Variants in DLC1 observed in about 807,000 individuals in gnomAD.
DLC1 encodes the protein DLC1 Rho GTPase activating protein, also known as rho GTPase-activating protein 7.
Under a neutral mutation model 140.3 loss-of-function variants are expected in DLC1, and 54 were observed. That is an observed-to-expected ratio of 0.38 (90% CI 0.31 to 0.48). The LOEUF (loss-of-function observed/expected upper bound fraction) is 0.48. DLC1 is among the 20% of genes least tolerant of loss of function. The probability of loss-of-function intolerance (pLI) is 0.96; values close to 1 mark genes in which losing one functional copy is unlikely to be tolerated. For synonymous variants in DLC1, 986 were observed against 728.1 expected (o/e 1.35, Z -5.70); for missense variants, 2,536 against 1,907.0 (o/e 1.33, Z -6.14).
chr8:13,466,117 C>T (rs1799923875), intron 2 of DLC1, among the ~76,000 whole-genome samples: 1 of 152,174 alleles, frequency 6.6e-6, no homozygotes, highest in Non-Finnish European at 1.5e-5. Flanking sequence ...CACAATGTGA[C>T]TCCACAGAGC....
chr8:13,510,821 GTGT>G (rs1802324864), intron 1 of DLC1, among the ~76,000 whole-genome samples: 1 of 152,114 alleles, frequency 6.6e-6, no homozygotes, highest in African/African-American at 2.4e-5. Flanking sequence ...TCTAATGAGA[GTGT>G]TGTTAACCTC....
intron 5 of DLC1, among the ~76,000 whole-genome samples, chr8:13,302,279 C>T (rs1832232164): frequency 6.6e-6 from 1 of 152,182 alleles, no homozygotes; most frequent in Non-Finnish European, 1.5e-5. Context: ...TCCTATGGGG[C>T]AGAGGCCATG....
chr8:13,091,558 T>A (rs998463032), intron 13 of DLC1, 126 bp from the exon 14 acceptor site: 56 of 750,508 alleles, frequency 7.5e-5, no homozygotes, highest in Non-Finnish European at 1.1e-4. Flanking sequence ...TATTGTTAAG[T>A]GGATTAAGAG....
intron 4 of DLC1, among the ~76,000 whole-genome samples, chr8:13,376,790 C>T (rs1012909106): frequency 2.1e-4 from 32 of 152,176 alleles, no homozygotes; most frequent in African/African-American, 6.8e-4. Flanking sequence ...CAAGATCAGA[C>T]GGCTCTTTTG....
At position 13,092,531 on chromosome 8, in the gene DLC1, C is replaced by A. The variant is rs148049202; in HGVS notation, c.3740+81G>T. 3.0e-4 allele frequency: 447 copies of A among 1,481,708 alleles called. 1 individual carries two copies. The African/African-American group carries it at 5.2e-3, about 17-fold the overall frequency. The allele number at this position is 1,481,708 out of a possible 1,614,324, so 91.8% of individuals were successfully genotyped here. A position where few individuals can be genotyped will look rare whatever the true frequency, so the allele number is the denominator to read the frequency against. ...TTCTTGCTTGTTTCAGGAAAGAGTCCCACAAAACCACAGCTACGGAGAGTC... is the reference window on the plus strand; with the variant it reads ...TTCTTGCTTGTTTCAGGAAAGAGTCACACAAAACCACAGCTACGGAGAGTC... On this transcript the variant is annotated intron_variant, in intron 13 of 17. Coordinates refer to ENST00000276297, the MANE Select transcript of DLC1 (RefSeq NM_182643.3).
At chr8:13,093,463 A>T (rs928151976) in intron 12 of DLC1, among the ~76,000 whole-genome samples, 4 of 152,244 alleles carry the variant, frequency 2.6e-5, no homozygotes, top group African/African-American at 7.2e-5. Flanking sequence ...CATGCTCGAG[A>T]GGCTATAAAA....
intron 5 of DLC1, among the ~76,000 whole-genome samples, chr8:13,199,302 GC>G (rs1345004893): frequency 6.7e-6 from 1 of 148,466 alleles, no homozygotes; most frequent in Admixed American, 6.8e-5. Flanking sequence ...CTCCTGCTTA[GC>G]CTCTCAAATA....
At chr8:13,389,847 C>A (rs563917742) in intron 4 of DLC1, among the ~76,000 whole-genome samples, 2 of 152,152 alleles carry the variant, frequency 1.3e-5, no homozygotes, top group East Asian at 3.9e-4. Flanking sequence ...TGAAGGTAGT[C>A]GTGCTGTAAT....
At position 13,499,790 on chromosome 8, in the gene DLC1, T is replaced by C. The variant is rs767597201; in HGVS notation, c.282A>G (p.Glu94=). The change falls in exon 2 of 18, where the codon GAA becomes GAG. Residue 94 remains glutamate, a synonymous_variant. Coordinates refer to ENST00000276297, the MANE Select transcript of DLC1 (RefSeq NM_182643.3). ...DVDENDSHEG[E]DQFLSLEAST... The stretch of plus-strand genomic sequence containing the variant: ...TGGCTTCCAGAGAAAGAAACTGATC[T>C]TCACCTTCATGGCTGTCATTTTCGT... The C allele has an allele frequency of 6.2e-7, 1 of 1,614,074 alleles. No individual in the cohort carries two copies. The highest frequency in any genetic ancestry group is 1.7e-5 in the Admixed American group (1 of 60,026).
intron 5 of DLC1, among the ~76,000 whole-genome samples, chr8:13,164,348 G>C (rs1157298137): frequency 1.3e-5 from 2 of 150,402 alleles, no homozygotes; most frequent in Non-Finnish European, 3.0e-5. Flanking sequence ...CTGTCTGTCT[G>C]TCTCTCTCTC....
At chr8:13,334,002 C>A (rs867813961) in intron 4 of DLC1, among the ~76,000 whole-genome samples, 15 of 152,080 alleles carry the variant, frequency 9.9e-5, no homozygotes, top group Admixed American at 7.2e-4. Flanking sequence ...GATTGCCTAA[C>A]GACATGGAAA....
chr8:13,127,731 G>T (rs1052855133), intron 5 of DLC1, among the ~76,000 whole-genome samples: 6 of 152,360 alleles, frequency 3.9e-5, no homozygotes, highest in Admixed American at 2.0e-4. Flanking sequence ...CCAGGGTGTG[G>T]AAAACTTTTG....
intron 5 of DLC1, among the ~76,000 whole-genome samples, chr8:13,300,970 G>C (rs1214695552): frequency 6.6e-6 from 1 of 152,174 alleles, no homozygotes; most frequent in African/African-American, 2.4e-5. Flanking sequence ...CCAGAGGAAT[G>C]GACAAGGGTG....
chr8:13,548,925 C>G (rs532228456), intron 1 of DLC1, among the ~76,000 whole-genome samples: 34 of 152,144 alleles, frequency 2.2e-4, no homozygotes, highest in African/African-American at 7.2e-4. Context: ...AGTGGAAGAT[C>G]AATTATAATC....
chr8:13,099,847 C>A lies in DLC1; in HGVS notation c.2490G>T (p.Ser830=), dbSNP rs376759642. 6.2e-7 allele frequency: 1 copy of A among 1,614,160 alleles called. No homozygotes were observed. The highest frequency in any genetic ancestry group is 8.5e-7 in the Non-Finnish European group (1 of 1,180,046). ...TCCAGTTCACAGAGCCGTTATTCCC[C>A]GAGGGGGAGAAACTGCCATTGGTGA... ...KALTNGSFSP[S]GNNGSVNWRT... Residue 830 remains serine (S), a synonymous_variant, in exon 9 of 18, where the codon TCG becomes TCT. Transcript: ENST00000276297.
chr8:13,396,070 T>G (rs1837029161), intron 3 of DLC1, among the ~76,000 whole-genome samples: 1 of 149,090 alleles, frequency 6.7e-6, no homozygotes, highest in South Asian at 2.1e-4. Context: ...TTCTTTTTTT[T>G]TTTTTTTGAG....
intron 2 of DLC1, among the ~76,000 whole-genome samples, chr8:13,444,304 G>T (rs983593823): frequency 6.6e-6 from 1 of 152,164 alleles, no homozygotes; most frequent in African/African-American, 2.4e-5. Context: ...CTGACCGGTG[G>T]TGCGGGTTGG....
chr8:13,384,671 A>G (rs1372527599), intron 4 of DLC1, among the ~76,000 whole-genome samples: 2 of 152,204 alleles, frequency 1.3e-5, no homozygotes, highest in Non-Finnish European at 2.9e-5. Flanking sequence ...AATTTGTTCT[A>G]CATTAAGACC....
chr8:13,471,835 C>A (rs1422837618), intron 2 of DLC1, among the ~76,000 whole-genome samples: 5 of 152,176 alleles, frequency 3.3e-5, no homozygotes, highest in East Asian at 1.9e-4. Flanking sequence ...CTTCCACCCC[C>A]ACGCTGAAGC....
Sources: allele counts gnomAD v4.1 joint callset (sites outside exome capture counted in the v4.1 genomes callset), GRCh38; gene constraint gnomAD v4.1.1; transcripts MANE v1.5; gene names NCBI Gene and HGNC (gene_info 2026-07-23, HGNC 2026-07-21).